Variants in GPATCH8 observed in about 807,000 individuals in gnomAD.
The protein encoded by GPATCH8 is G-patch domain containing 8.
Under a neutral mutation model 118.3 loss-of-function variants are expected in GPATCH8, and 18 were observed. The ratio of observed to expected loss-of-function variants is 0.15; its 90% CI spans 0.11 to 0.23. The LOEUF is 0.23. Ranked by LOEUF, GPATCH8 falls within the 10% of genes least tolerant of loss-of-function variation. The probability of loss-of-function intolerance (pLI) is 1.00; values close to 1 mark genes in which losing one functional copy is unlikely to be tolerated. For missense variants in GPATCH8, 1,631 were observed against 1,873.8 expected (o/e 0.87, Z 2.39); for synonymous variants, 659 against 684.7 (o/e 0.96, Z 0.59).
chr17:44,397,745 G>A lies in GPATCH8; in HGVS notation c.4332C>T (p.Ala1444=), dbSNP rs202049484. Residue 1444 remains alanine, a synonymous_variant, in exon 8 of 8, where the codon GCC becomes GCT. Coordinates refer to ENST00000591680, the MANE Select transcript of GPATCH8 (RefSeq NM_001002909.4). ...LASHPIHIIP[A]SAIHPGPFTF... ...TGAAGGGCCCAGGATGGATGGCTGAGGCGGGAATGATGTGGATGGGATGGC... is the reference window on the plus strand; with the variant it reads ...TGAAGGGCCCAGGATGGATGGCTGAAGCGGGAATGATGTGGATGGGATGGC... 2.5e-6 allele frequency: 4 copies of A among 1,592,474 alleles called. No individual in the cohort carries two copies. The highest frequency in any genetic ancestry group is 1.3e-5 in the African/African-American group (1 of 74,790).
chr17:44,466,775 G>C lies in GPATCH8; in HGVS notation c.121-2231C>G, dbSNP rs533806846. On this transcript the variant is annotated intron_variant, in intron 2 of 7. Coordinates refer to ENST00000591680, the MANE Select transcript of GPATCH8 (RefSeq NM_001002909.4). ...TAATTCCTACAACTGAATAATTCTAGGAAGGACAAGGATAGCAGAATGACT... is the reference window on the plus strand; with the variant it reads ...TAATTCCTACAACTGAATAATTCTACGAAGGACAAGGATAGCAGAATGACT... 2.6e-5 allele frequency among the ~76,000 whole-genome samples: 4 copies of C among 152,194 alleles called. No homozygotes were observed. In the East Asian group the frequency reaches 7.7e-4, roughly 29 times the overall value.
intron 3 of GPATCH8, among the ~76,000 whole-genome samples, chr17:44,442,012 GA>G (rs2050708405): frequency 6.6e-6 from 1 of 151,352 alleles, no homozygotes; most frequent in Admixed American, 6.6e-5. Context: ...TGGGCAACAA[GA>G]GTGAAACTCT....
intron 7 of GPATCH8, among the ~76,000 whole-genome samples, chr17:44,405,467 C>T (rs1270552878): frequency 6.6e-6 from 1 of 151,986 alleles, no homozygotes; most frequent in African/African-American, 2.4e-5. Context: ...CTCGGCCTCC[C>T]AAAGTGCTGG....
At chr17:44,489,357 T>G (rs1310640236) in intron 1 of GPATCH8, among the ~76,000 whole-genome samples, 3 of 151,766 alleles carry the variant, frequency 2.0e-5, no homozygotes, top group African/African-American at 7.3e-5. Context: ...TTTGTTTTTT[T>G]TTTTTGAGAT....
At chr17:44,473,658 A>T (rs1967490390) in intron 2 of GPATCH8, 1 of 152,302 alleles carries the variant, frequency 6.6e-6, no homozygotes, top group South Asian at 2.1e-4. Flanking sequence ...CAGAAATAAG[A>T]AAGGGAGGTG....
chr17:44,418,742 C>T (rs915502846), intron 6 of GPATCH8, among the ~76,000 whole-genome samples: 3 of 152,144 alleles, frequency 2.0e-5, no homozygotes, highest in Admixed American at 6.5e-5. Context: ...TGAGCCACCG[C>T]GCCCGGCTAG....
In GPATCH8 at chr17:44,410,112, C is replaced by A. The variant is rs986309647; in HGVS notation, c.493-4061G>T. On this transcript the variant is annotated intron_variant, in intron 6 of 7. Coordinates refer to ENST00000591680, the MANE Select transcript of GPATCH8 (RefSeq NM_001002909.4). Reference sequence around the variant, plus strand: ...TGGCCAGAAACTTCTCAGCTTCCTACCTAAAAAGTAATTTTTATAAAGGCA... The same window carrying A: ...TGGCCAGAAACTTCTCAGCTTCCTAACTAAAAAGTAATTTTTATAAAGGCA... 3.9e-5 allele frequency among the ~76,000 whole-genome samples: 6 copies of A among 152,264 alleles called. No individual in the cohort carries two copies. In the South Asian group the frequency reaches 1.0e-3, roughly 26 times the overall value.
rs371061520 is a variant in GPATCH8 at position 44,464,530 on chromosome 17, G to A, written c.135C>T (p.His45=). 1.4e-5 allele frequency: 23 copies of A among 1,597,212 alleles called. No individual in the cohort carries two copies. The African/African-American group carries it at 1.6e-4, about 11-fold the overall frequency. The part of the protein sequence containing the change: ...DKPIESDNIG[H]RLLQKHGWKL... ...TCCACCCATGTTTCTGGAGTAAGCG[G>A]TGTCCAATATTATCCTGACAGACAG... The change falls in exon 3 of 8, where the codon CAC becomes CAT. Residue 45 remains histidine, a synonymous_variant. Transcript: ENST00000591680.
chr17:44,480,128 C>T (rs912603340), intron 1 of GPATCH8, among the ~76,000 whole-genome samples: 6 of 148,078 alleles, frequency 4.1e-5, no homozygotes, highest in African/African-American at 1.6e-4. Flanking sequence ...GGGAAAAAAA[C>T]AACCCAATTT....
chr17:44,464,671 A>T (rs2144303491), intron 2 of GPATCH8, 127 bp from the exon 3 acceptor site: 1 of 744,456 alleles, frequency 1.3e-6, no homozygotes, highest in Non-Finnish European at 2.5e-6. Flanking sequence ...AGGTGCTAAT[A>T]ATAGGGTAAA....
intron 2 of GPATCH8, among the ~76,000 whole-genome samples, chr17:44,473,078 C>T (rs756526891): frequency 1.3e-5 from 2 of 151,612 alleles, no homozygotes; most frequent in Non-Finnish European, 2.9e-5. Context: ...GATTTCATTA[C>T]AAAATTCTGC....
At position 44,398,925 on chromosome 17, in the gene GPATCH8, T is replaced by C; in HGVS notation, c.3152A>G (p.Asp1051Gly). 2 of 1,614,188 alleles carry C rather than the reference T, an allele frequency of 1.2e-6. No individual in the cohort carries two copies. The highest frequency in any genetic ancestry group is 1.7e-6 in the Non-Finnish European group (2 of 1,180,032). The change falls in exon 8 of 8, where the codon GAT becomes GGT. Residue 1051 changes from aspartate (D) to glycine (G), a missense_variant. Coordinates refer to ENST00000591680, the MANE Select transcript of GPATCH8 (RefSeq NM_001002909.4). ...SGRGEGPGKK[D>G]DGRGDDSKAT... is the part of the protein sequence containing the mutation. ...TTTACTGTCATCTCCTCTGCCATCATCTTTCTTCCCAGGACCTTCTCCCCG... is the reference window on the plus strand; with the variant it reads ...TTTACTGTCATCTCCTCTGCCATCACCTTTCTTCCCAGGACCTTCTCCCCG...
Position 44,435,119 on chromosome 17 carries a change from G to A in GPATCH8, c.294C>T (p.Arg98=). 3 of 1,526,424 alleles carry A rather than the reference G, an allele frequency of 2.0e-6. No homozygotes were observed. Among genetic ancestry groups the A allele is most frequent in the Non-Finnish European group, 2.7e-6 (3 of 1,100,174 alleles). 94.6% of individuals were successfully genotyped at this position (1,526,424 alleles called of 1,614,324 possible). A position where few individuals can be genotyped will look rare whatever the true frequency, so the allele number is the denominator to read the frequency against. Residue 98 remains arginine (R), a synonymous_variant, in exon 5 of 8, where the codon CGC becomes CGT. Coordinates refer to ENST00000591680, the MANE Select transcript of GPATCH8 (RefSeq NM_001002909.4). The part of the protein sequence containing the change: ...LDYAEDATER[R]RVLEVEKEDT... ...CTTCTTTTTCTACTTCTAGGACACG[G>A]CGCCGTTCGGTAGCATCTTCAGCAT...
intron 6 of GPATCH8, among the ~76,000 whole-genome samples, chr17:44,406,528 TAGAA>T (rs1372622606): frequency 1.1e-5 from 1 of 91,600 alleles, no homozygotes; most frequent in Non-Finnish European, 2.1e-5. Flanking sequence ...TTAGAACAAA[TAGAA>T]AGCATACTTT....
At chr17:44,477,771 T>G (rs1305834887) in intron 1 of GPATCH8, among the ~76,000 whole-genome samples, 2 of 152,052 alleles carry the variant, frequency 1.3e-5, no homozygotes, top group African/African-American at 2.4e-5. Flanking sequence ...GAACAAATGA[T>G]TTTAAAAAAT....
chr17:44,398,883 G>A lies in GPATCH8; in HGVS notation c.3194C>T (p.Ser1065Phe). Reference sequence around the variant, plus strand: ...TCCTGTGCCAATGTTGCTGTTCTGGGAAGGTGGACCTGTTGCTTTACTGTC... The same window carrying A: ...TCCTGTGCCAATGTTGCTGTTCTGGAAAGGTGGACCTGTTGCTTTACTGTC... Reference protein sequence around the residue: ...GDDSKATGPPSQNSNIGTGRG... With the variant: ...GDDSKATGPPFQNSNIGTGRG... Residue 1065 changes from serine to phenylalanine, a missense_variant, in exon 8 of 8, where the codon TCC becomes TTC. Around this residue, in one of 8 missense-constraint regions of GPATCH8, gnomAD observed 922 missense variants for 879.7 expected, o/e 1.05. Transcript: ENST00000591680. 2 of 1,614,078 alleles carry A rather than the reference G, an allele frequency of 1.2e-6. No homozygotes were observed. The highest frequency in any genetic ancestry group is 1.7e-6 in the Non-Finnish European group (2 of 1,179,940).
At chr17:44,413,373 C>T (rs549262601) in intron 6 of GPATCH8, among the ~76,000 whole-genome samples, 5 of 152,252 alleles carry the variant, frequency 3.3e-5, no homozygotes, top group East Asian at 3.9e-4. Context: ...CACATTCAAG[C>T]GATTCTTGTG....
rs758869547 is a variant in GPATCH8 at position 44,399,852 on chromosome 17, G to A, written c.2225C>T (p.Ala742Val). The A allele has an allele frequency of 5.0e-6, 8 of 1,613,722 alleles. No homozygotes were observed. The highest frequency in any genetic ancestry group is 2.7e-5 in the African/African-American group (2 of 74,830). The change falls in exon 8 of 8, where the codon GCA becomes GTA. Residue 742 changes from alanine to valine, a missense_variant. Physicochemically the swap from Ala to Val is moderately conservative, Grantham distance 64. Transcript: ENST00000591680. ...AGCTCTCCGCCTTCTTCTTGGTGGT[G>A]CGGGACTGCCACTCCCAGGGGGTTC... ...KPEPPGSGSP[A>V]PPRRRRRAQD...
intron 6 of GPATCH8, among the ~76,000 whole-genome samples, chr17:44,422,995 G>A (rs924903798): frequency 4.6e-5 from 7 of 151,738 alleles, no homozygotes; most frequent in Admixed American, 1.3e-4. Context: ...ACGGCCGGGC[G>A]CAGTGGCTCA....
Sources: allele counts gnomAD v4.1 joint callset (sites outside exome capture counted in the v4.1 genomes callset), GRCh38; gene constraint gnomAD v4.1.1; regional missense constraint gnomAD v4.1.1; transcripts MANE v1.5; gene names NCBI Gene and HGNC (gene_info 2026-07-23, HGNC 2026-07-21).